GTF2F2: variants seen among roughly 807,000 people sequenced by gnomAD.
The protein encoded by GTF2F2 is general transcription factor IIF subunit 2.
Under a neutral mutation model 42.2 loss-of-function variants are expected in GTF2F2, and 23 were observed. The ratio of observed to expected loss-of-function variants is 0.55; its 90% CI spans 0.39 to 0.77. The LOEUF is 0.77. Among genes scored for constraint, GTF2F2 ranks in the 30% least tolerant of loss-of-function variants. GTF2F2 has a pLI of 0.00. For synonymous variants in GTF2F2, 105 were observed against 100.8 expected (o/e 1.04, Z -0.25); for missense variants, 261 against 287.2 (o/e 0.91, Z 0.66).
At chr13:45,161,069 GT>G (rs943956014) in intron 4 of GTF2F2, among the ~76,000 whole-genome samples, 11 of 152,130 alleles carry the variant, frequency 7.2e-5, no homozygotes, top group Non-Finnish European at 1.5e-5. Context: ...AGTTTTTACT[GT>G]TCATCAAGGA....
intron 5 of GTF2F2, among the ~76,000 whole-genome samples, chr13:45,252,349 G>A (rs1487770651): frequency 1.3e-5 from 2 of 152,038 alleles, no homozygotes; most frequent in Non-Finnish European, 2.9e-5. Context: ...AGTTTAGATG[G>A]TGTCCTGCAG....
chr13:45,136,129 C>T (rs1193133069), intron 1 of GTF2F2, among the ~76,000 whole-genome samples: 1 of 152,212 alleles, frequency 6.6e-6, no homozygotes, highest in East Asian at 1.9e-4. Flanking sequence ...TGTATAGTCC[C>T]TGAGTGCCTC....
At position 45,123,941 on chromosome 13, in the gene GTF2F2, C is replaced by T. The variant is rs542898063; in HGVS notation, c.66+3220C>T. The T allele has an allele frequency of 1.4e-5, 8 of 577,962 alleles. No individual in the cohort carries two copies. In the South Asian group the frequency reaches 1.5e-4, roughly 11 times the overall value. 35.8% of individuals were successfully genotyped at this position (577,962 alleles called of 1,614,324 possible). A position where few individuals can be genotyped will look rare whatever the true frequency, so the allele number is the denominator to read the frequency against. On this transcript the variant is annotated intron_variant, in intron 1 of 7. Coordinates refer to ENST00000340473, the MANE Select transcript of GTF2F2 (RefSeq NM_004128.3). ...TAGTGTGGTTGGGGACTGAGTATGG[C>T]AGGGACTCCCCAGCATTGAGGGTCT...
chr13:45,172,665 A>T (rs765018181), intron 4 of GTF2F2, among the ~76,000 whole-genome samples: 13 of 152,144 alleles, frequency 8.5e-5, no homozygotes, highest in Non-Finnish European at 1.5e-4. Context: ...ATTCTTTTCC[A>T]TGCAGCTATC....
At chr13:45,187,612 T>C (rs1341290942) in intron 4 of GTF2F2, among the ~76,000 whole-genome samples, 1 of 152,238 alleles carries the variant, frequency 6.6e-6, no homozygotes, top group African/African-American at 2.4e-5. Context: ...TCCCTTGGTG[T>C]TTGTTGACAG....
At chr13:45,193,179 T>C (rs922939168) in intron 4 of GTF2F2, 1 of 152,276 alleles carries the variant, frequency 6.6e-6, no homozygotes, top group Non-Finnish European at 1.5e-5. Context: ...CCAATTCAGC[T>C]ATAAGTCTAA....
chr13:45,141,997 G>A (rs1446554978), intron 2 of GTF2F2, among the ~76,000 whole-genome samples: 2 of 152,100 alleles, frequency 1.3e-5, no homozygotes, highest in African/African-American at 4.8e-5. Context: ...TGAGGCTTTG[G>A]TTTACTTTGT....
intron 5 of GTF2F2, among the ~76,000 whole-genome samples, chr13:45,230,452 G>A (rs537567874): frequency 3.3e-5 from 5 of 152,266 alleles, no homozygotes; most frequent in African/African-American, 1.2e-4. Context: ...GGAGAAATAT[G>A]GGAGGATACA....
chr13:45,187,546 T>C (rs1405857877), intron 4 of GTF2F2, among the ~76,000 whole-genome samples: 1 of 152,236 alleles, frequency 6.6e-6, no homozygotes, highest in Admixed American at 6.5e-5. Context: ...TTTAGCCATA[T>C]TTTAGATTCA....
At chr13:45,266,150 A>C (rs974788313) in intron 6 of GTF2F2, among the ~76,000 whole-genome samples, 1 of 152,236 alleles carries the variant, frequency 6.6e-6, no homozygotes, top group African/African-American at 2.4e-5. Flanking sequence ...GAGGTACACA[A>C]AACTGCAGAA....
chr13:45,212,595 T>C (rs538496893), intron 5 of GTF2F2, among the ~76,000 whole-genome samples: 131 of 147,352 alleles, frequency 8.9e-4, no homozygotes, highest in African/African-American at 3.3e-3. Flanking sequence ...CAAGTCTTGC[T>C]TGCTCTGTTT....
At chr13:45,164,822 T>C (rs1361787924) in intron 4 of GTF2F2, among the ~76,000 whole-genome samples, 1 of 152,204 alleles carries the variant, frequency 6.6e-6, no homozygotes, top group East Asian at 1.9e-4. Flanking sequence ...AAAAGTTGCA[T>C]CACAGCAGAA....
rs146394623 is a variant in GTF2F2 at position 45,252,952 on chromosome 13, T to G, written c.468T>G (p.Val156=). Reference sequence around the variant, plus strand: ...TTGTAACAACCAATTACAAACCTGTTGCTAATCATCAATACAATGTAAGTC... The same window carrying G: ...TTGTAACAACCAATTACAAACCTGTGGCTAATCATCAATACAATGTAAGTC... ...DKVVTTNYKP[V]ANHQYNIEYE... Residue 156 remains valine (V), a synonymous_variant, in exon 6 of 8, where the codon GTT becomes GTG. Transcript: ENST00000340473. 6 of 1,419,082 alleles carry G rather than the reference T, an allele frequency of 4.2e-6. No individual in the cohort carries two copies. Among genetic ancestry groups the G allele is most frequent in the Non-Finnish European group, 5.7e-6 (6 of 1,055,762 alleles). 87.9% of individuals were successfully genotyped at this position (1,419,082 alleles called of 1,614,324 possible).
intron 4 of GTF2F2, among the ~76,000 whole-genome samples, chr13:45,156,541 A>G (rs1321425355): frequency 6.6e-6 from 1 of 152,226 alleles, no homozygotes; most frequent in Non-Finnish European, 1.5e-5. Context: ...AAAAGTTTTA[A>G]TTGGTGCAAT....
At chr13:45,202,580 A>G (rs1873246576) in intron 4 of GTF2F2, among the ~76,000 whole-genome samples, 1 of 152,232 alleles carries the variant, frequency 6.6e-6, no homozygotes, top group South Asian at 2.1e-4. Context: ...CAGTTACATT[A>G]AAAGATGGGA....
intron 5 of GTF2F2, among the ~76,000 whole-genome samples, chr13:45,223,264 A>G (rs968768501): frequency 3.1e-5 from 1 of 31,868 alleles, no homozygotes; most frequent in Admixed American, 3.4e-4. Context: ...TGTCTCAATA[A>G]AAAAAAAAAA....
At chr13:45,196,649 A>T (rs947185593) in intron 4 of GTF2F2, among the ~76,000 whole-genome samples, 1 of 152,218 alleles carries the variant, frequency 6.6e-6, no homozygotes, top group Non-Finnish European at 1.5e-5. Flanking sequence ...TTAGTACAAC[A>T]TAACTGTAGT....
chr13:45,124,871 G>A (rs1441868862), intron 1 of GTF2F2, among the ~76,000 whole-genome samples: 4 of 152,090 alleles, frequency 2.6e-5, no homozygotes, highest in Non-Finnish European at 4.4e-5. Context: ...GCCAAGACAG[G>A]GTTTCACCAT....
intron 5 of GTF2F2, among the ~76,000 whole-genome samples, chr13:45,217,262 C>T (rs1593497160): frequency 6.8e-6 from 1 of 146,316 alleles, no homozygotes; most frequent in East Asian, 2.0e-4. Flanking sequence ...CACGCCGCCA[C>T]GCTCCAGCCT....
Sources: gnomAD v4.1 joint callset for allele counts (sites outside exome capture counted in the v4.1 genomes callset) on GRCh38, gnomAD v4.1.1 for gene constraint, MANE v1.5 for transcripts, NCBI Gene and HGNC (gene_info 2026-07-23, HGNC 2026-07-21) for gene names.